DPP6: variants seen among roughly 807,000 people sequenced by gnomAD.
DPP6 encodes dipeptidyl peptidase like 6, also known as A-type potassium channel modulatory protein DPP6.
A neutral mutation model predicts 122.6 loss-of-function variants in DPP6; 69 were observed. The ratio of observed to expected loss-of-function variants is 0.56; its 90% confidence interval spans 0.46 to 0.69. The LOEUF (loss-of-function observed/expected upper bound fraction) is 0.69, where lower values mean the gene tolerates loss of function less well. DPP6 is among the 30% of genes least tolerant of loss of function. DPP6 has a pLI of 0.00. For synonymous variants in DPP6, 418 were observed against 433.1 expected (o/e 0.97, Z 0.43); for missense variants, 928 against 1,116.9 (o/e 0.83, Z 2.41).
intron 8 of DPP6, among the ~76,000 whole-genome samples, chr7:154,764,277 T>C (rs1795761285): frequency 6.6e-6 from 1 of 152,186 alleles, no homozygotes; most frequent in Admixed American, 6.5e-5. Flanking sequence ...GATGTTATAC[T>C]AAGGACCTCA....
chr7:154,324,772 G>T (rs1808279114), intron 1 of DPP6, among the ~76,000 whole-genome samples: 1 of 152,120 alleles, frequency 6.6e-6, no homozygotes, highest in Non-Finnish European at 1.5e-5. Flanking sequence ...CCCTTTCATG[G>T]CCTGGTGTTT....
intron 4 of DPP6, among the ~76,000 whole-genome samples, chr7:154,552,795 T>C (rs1468273836): frequency 6.6e-6 from 1 of 152,198 alleles, no homozygotes; most frequent in Non-Finnish European, 1.5e-5. Context: ...GTCCTTTTCA[T>C]TGGAGGGTAT....
chr7:154,788,628 C>A (rs1032583738), intron 10 of DPP6, among the ~76,000 whole-genome samples: 3 of 152,148 alleles, frequency 2.0e-5, no homozygotes, highest in African/African-American at 7.2e-5. Context: ...TGTGGAATTT[C>A]GGTTTTCCCA....
chr7:154,056,780 A>T (rs537689972), intron 1 of DPP6, among the ~76,000 whole-genome samples: 121 of 152,350 alleles, frequency 7.9e-4, no homozygotes, highest in Admixed American at 2.9e-3. Context: ...TAATGTCAAC[A>T]TTCTGTTAAT....
chr7:154,478,509 G>T (rs1822953291), intron 3 of DPP6, among the ~76,000 whole-genome samples: 1 of 151,818 alleles, frequency 6.6e-6, no homozygotes, highest in Non-Finnish European at 1.5e-5. Context: ...ATTATCTTCT[G>T]GGTGTTTACT....
rs1015306304 is a variant in DPP6, at chr7:154,635,415, A to G, written c.628-2406A>G. Among the ~76,000 whole-genome samples the G allele has an allele frequency of 7.2e-5, 11 of 152,168 alleles. No homozygotes were observed. The East Asian group carries it at 2.1e-3, about 29-fold the overall frequency. ...CCCTCACCACCTCTGTCCTGATACT[A>G]TTTTAACAAGGAATTTATCTGTTTG... On this transcript the variant is annotated intron_variant, in intron 5 of 25. Coordinates refer to ENST00000377770, the MANE Select transcript of DPP6 (RefSeq NM_130797.4).
chr7:153,774,254 T>C, the DPP6 span, among the ~76,000 whole-genome samples: 2 of 152,142 alleles, frequency 1.3e-5, no homozygotes, highest in African/African-American at 4.8e-5. Context: ...ATAAGAAAGT[T>C]TGGGAGAAGG....
chr7:153,943,182 A>C (rs527538734), intron 1 of DPP6, among the ~76,000 whole-genome samples: 1 of 152,194 alleles, frequency 6.6e-6, no homozygotes, highest in Non-Finnish European at 1.5e-5. Flanking sequence ...TAGAGCACGA[A>C]ATACAAAAGT....
chr7:153,759,652 C>A, the DPP6 span, among the ~76,000 whole-genome samples: 1 of 151,920 alleles, frequency 6.6e-6, no homozygotes, highest in Admixed American at 6.6e-5. Context: ...TTTGAAGATG[C>A]TTGCAATGTG....
At chr7:154,246,500 G>A (rs1267447722) in intron 1 of DPP6, among the ~76,000 whole-genome samples, 5 of 152,170 alleles carry the variant, frequency 3.3e-5, no homozygotes, top group East Asian at 1.9e-4. Context: ...CAAGGTCAAC[G>A]AAAATTCCAA....
chr7:154,185,207 A>C (rs955557367), intron 1 of DPP6, among the ~76,000 whole-genome samples: 1 of 152,196 alleles, frequency 6.6e-6, no homozygotes, highest in Non-Finnish European at 1.5e-5. Context: ...TATTAACATA[A>C]TCCTGTGTAA....
chr7:154,120,242 C>G (rs1807345908), intron 1 of DPP6, among the ~76,000 whole-genome samples: 1 of 150,984 alleles, frequency 6.6e-6, no homozygotes, highest in South Asian at 2.1e-4. Context: ...ATCATTTTCT[C>G]TCTTCTTTTT....
chr7:154,413,551 G>A (rs1816791157), intron 1 of DPP6, among the ~76,000 whole-genome samples: 1 of 152,136 alleles, frequency 6.6e-6, no homozygotes, highest in Non-Finnish European at 1.5e-5. Flanking sequence ...TTTTCTCAAA[G>A]CTACGTTTTA....
At chr7:154,608,643 T>C (rs1031861999) in intron 5 of DPP6, among the ~76,000 whole-genome samples, 2 of 152,012 alleles carry the variant, frequency 1.3e-5, no homozygotes, top group Admixed American at 6.6e-5. Flanking sequence ...GCCGATCATA[T>C]GTTCTTTGTT....
At chr7:154,522,746 T>C (rs912496911) in intron 3 of DPP6, among the ~76,000 whole-genome samples, 1 of 152,150 alleles carries the variant, frequency 6.6e-6, no homozygotes, top group Non-Finnish European at 1.5e-5. Context: ...TAATCCTACG[T>C]ACTAAACTGC....
At chr7:154,210,181 A>C (rs1050765948) in intron 1 of DPP6, among the ~76,000 whole-genome samples, 2 of 152,174 alleles carry the variant, frequency 1.3e-5, no homozygotes, top group Non-Finnish European at 2.9e-5. Context: ...AGCCAAGGGG[A>C]ACCTGTGTGG....
chr7:154,537,375 G>C (rs1828342842), intron 3 of DPP6, among the ~76,000 whole-genome samples: 1 of 152,202 alleles, frequency 6.6e-6, no homozygotes. Context: ...TGTATTGGAA[G>C]ATAGTAAGAA....
At position 154,803,882 on chromosome 7, in the gene DPP6, A is replaced by C. The variant is rs1050130332; in HGVS notation, c.1426A>C (p.Asn476His). 12 of 1,613,724 alleles carry C rather than the reference A, an allele frequency of 7.4e-6. No individual in the cohort carries two copies. Among genetic ancestry groups the C allele is most frequent in the African/African-American group, 1.3e-5 (1 of 74,938 alleles). ...SSSQPNSSND[N>H]IQSITSGDWD... Reference sequence around the variant, plus strand: ...GTTTCAGCCCAACAGCAGCAACGACAACATCCAGTCCATCACCTCCGGGGA... The same window carrying C: ...GTTTCAGCCCAACAGCAGCAACGACCACATCCAGTCCATCACCTCCGGGGA... The change falls in exon 14 of 26, where the codon AAC (asparagine) becomes CAC (histidine). Residue 476 changes from asparagine (N) to histidine (H), a missense_variant. Physicochemically the swap from Asn to His is moderately conservative, Grantham distance 68 (BLOSUM62 1). Transcript: ENST00000377770.
At chr7:153,892,517 T>C (rs1799246335) in intron 1 of DPP6, among the ~76,000 whole-genome samples, 1 of 152,168 alleles carries the variant, frequency 6.6e-6, no homozygotes, top group African/African-American at 2.4e-5. Flanking sequence ...TTTTGCCACG[T>C]TGGTCAGGCT....
Sources: allele counts gnomAD v4.1 joint callset (sites outside exome capture counted in the v4.1 genomes callset), GRCh38; gene constraint gnomAD v4.1.1; transcripts MANE v1.5; gene names NCBI Gene and HGNC (gene_info 2026-07-23, HGNC 2026-07-21).